CCDC148: variants seen among roughly 807,000 people sequenced by gnomAD.
CCDC148 encodes the protein coiled-coil domain containing 148, also known as coiled-coil domain-containing protein 148.
In CCDC148, 89 loss-of-function variants were observed where a neutral mutation model predicts 85.7. The ratio of observed to expected loss-of-function variants is 1.04; its 90% CI spans 0.87 to 1.24. The LOEUF is 1.24. Among genes scored for constraint, CCDC148 ranks in the 50% most tolerant of loss-of-function variants. The probability of loss-of-function intolerance (pLI) is 0.00; values close to 1 mark genes in which losing one functional copy is unlikely to be tolerated. For synonymous variants in CCDC148, 230 were observed against 213.9 expected (o/e 1.08, Z -0.66); for missense variants, 692 against 671.7 (o/e 1.03, Z -0.33).
rs183593506 is a variant in CCDC148 at position 158,256,107 on chromosome 2, T to C, written c.1111-5195A>G. Among the ~76,000 whole-genome samples the C allele has an allele frequency of 3.5e-3, 534 of 151,838 alleles. 3 individuals carry two copies. Among genetic ancestry groups the C allele is most frequent in the African/African-American group, 0.012 (513 of 41,478 alleles). The stretch of plus-strand genomic sequence containing the variant: ...AAACAAAAATGAAGCCCATGAAAAC[T>C]TCAAAGGTAATGATTGAAATTAACA... On this transcript the variant is annotated intron_variant, in intron 9 of 13. Coordinates refer to ENST00000283233, the MANE Select transcript of CCDC148 (RefSeq NM_138803.4).
chr2:158,401,862 G>A (rs1685800505), intron 1 of CCDC148, among the ~76,000 whole-genome samples: 2 of 151,926 alleles, frequency 1.3e-5, no homozygotes, highest in South Asian at 4.1e-4. Flanking sequence ...AGTGGAAATG[G>A]AGTGCAAACT....
chr2:158,195,760 T>C (rs1685641403), intron 11 of CCDC148, among the ~76,000 whole-genome samples: 1 of 152,162 alleles, frequency 6.6e-6, no homozygotes, highest in South Asian at 2.1e-4. Context: ...CACATTCAGC[T>C]CCTTTAGTCT....
rs554255369 is a variant in CCDC148, at chr2:158,381,747, G to A, written c.26-23177C>T. Among the ~76,000 whole-genome samples, 27 of 152,214 alleles carry A rather than the reference G, an allele frequency of 1.8e-4. No homozygotes were observed. The East Asian group carries it at 2.9e-3, about 16-fold the overall frequency. ...CTACAAAAAAAATGAAAAACTAGCC[G>A]AGTGTGGTGTTGCATGCCTATCACC... On this transcript the variant is annotated intron_variant, in intron 1 of 13. Coordinates refer to ENST00000283233, the MANE Select transcript of CCDC148 (RefSeq NM_138803.4).
intron 1 of CCDC148, among the ~76,000 whole-genome samples, chr2:158,410,767 TTTG>T (rs1686223843): frequency 6.6e-6 from 1 of 152,176 alleles, no homozygotes; most frequent in Non-Finnish European, 1.5e-5. Flanking sequence ...TATTAAATTA[TTTG>T]TTGTCTATAT....
In CCDC148 at chr2:158,320,168, A is replaced by G. The variant is rs115385139; in HGVS notation, c.765-6274T>C. ...TTGGGACAGTATGAGGAAAATTTTA[A>G]TTAGCCATCATAAGGTCTTCTGAAA... On this transcript the variant is annotated intron_variant, in intron 7 of 13. Coordinates refer to ENST00000283233, the MANE Select transcript of CCDC148 (RefSeq NM_138803.4). Among the ~76,000 whole-genome samples, 1,137 of 152,340 alleles carry G rather than the reference A, an allele frequency of 7.5e-3. 17 individuals are homozygous for G. Among genetic ancestry groups the G allele is most frequent in the African/African-American group, 0.026 (1,093 of 41,584 alleles).
intron 11 of CCDC148, among the ~76,000 whole-genome samples, chr2:158,216,369 C>T (rs2105297133): frequency 7.1e-6 from 1 of 141,582 alleles, no homozygotes; most frequent in South Asian, 2.2e-4. Flanking sequence ...TTAAGAACAG[C>T]AACAAAAAGC....
Position 158,263,322 on chromosome 2 carries a change from G to A in CCDC148, c.1111-12410C>T, listed in dbSNP as rs765814092. Among the ~76,000 whole-genome samples, 20 of 152,034 alleles carry A rather than the reference G, an allele frequency of 1.3e-4. No individual in the cohort carries two copies. In the East Asian group the frequency reaches 1.7e-3, roughly 13 times the overall value. On this transcript the variant is annotated intron_variant, in intron 9 of 13. Coordinates refer to ENST00000283233, the MANE Select transcript of CCDC148 (RefSeq NM_138803.4). ...CCTACCTGTTCTTTTTACCTCCCAC[G>A]GAAACTATTGCAATGGCTGGCACAG... is the stretch of plus-strand genomic sequence containing the variant.
intron 2 of CCDC148, among the ~76,000 whole-genome samples, chr2:158,345,645 T>G (rs1682959741): frequency 1.3e-5 from 2 of 152,190 alleles, no homozygotes; most frequent in Non-Finnish European, 2.9e-5. Flanking sequence ...AGAGGTTTCA[T>G]TTCTCCCCTT....
rs929394391 is a variant in CCDC148, at chr2:158,309,044, C to G, written c.1110+389G>C. On this transcript the variant is annotated intron_variant, in intron 9 of 13. Transcript: ENST00000283233. The stretch of plus-strand genomic sequence containing the variant: ...ATCATAAAGCCTCTCTTCTCCTCCT[C>G]ATTTGAACTTTTTGCTATCTTTGAT... Among the ~76,000 whole-genome samples, 8 of 152,310 alleles carry G rather than the reference C, an allele frequency of 5.3e-5. No homozygotes were observed. In the South Asian group the frequency reaches 1.7e-3, roughly 32 times the overall value.
At chr2:158,244,835 G>A (rs1688503618) in intron 10 of CCDC148, among the ~76,000 whole-genome samples, 1 of 152,050 alleles carries the variant, frequency 6.6e-6, no homozygotes, top group African/African-American at 2.4e-5. Flanking sequence ...CACCTTAGAA[G>A]CCTACTTATT....
At chr2:158,343,307 G>A (rs1266044686) in intron 3 of CCDC148, among the ~76,000 whole-genome samples, 1 of 152,138 alleles carries the variant, frequency 6.6e-6, no homozygotes, top group African/African-American at 2.4e-5. Context: ...GAAGTTAGGG[G>A]CAAATGTTCC....
chr2:158,357,735 A>G (rs991209068), intron 2 of CCDC148, among the ~76,000 whole-genome samples: 7 of 152,142 alleles, frequency 4.6e-5, no homozygotes, highest in Admixed American at 4.6e-4. Flanking sequence ...AATAATAACA[A>G]TTGCCTTCTA....
intron 7 of CCDC148, among the ~76,000 whole-genome samples, chr2:158,317,127 A>C (rs1041709708): frequency 6.6e-6 from 1 of 152,200 alleles, no homozygotes; most frequent in Non-Finnish European, 1.5e-5. Flanking sequence ...CTACTTTCTG[A>C]ATTTGAAAAA....
intron 9 of CCDC148, among the ~76,000 whole-genome samples, chr2:158,280,632 C>T (rs958248482): frequency 6.6e-6 from 1 of 152,122 alleles, no homozygotes; most frequent in African/African-American, 2.4e-5. Flanking sequence ...TAAAGCAAGT[C>T]CTGAGTGACC....
chr2:158,176,814 C>A (rs1684613463), intron 12 of CCDC148, 153 bp from the exon 13 acceptor site: 1 of 756,658 alleles, frequency 1.3e-6, no homozygotes, highest in African/African-American at 1.8e-5. Flanking sequence ...TTGGTCAGTC[C>A]TAGAGATCCA....
intron 1 of CCDC148, among the ~76,000 whole-genome samples, chr2:158,402,863 T>G (rs1301844289): frequency 6.6e-6 from 1 of 152,110 alleles, no homozygotes; most frequent in African/African-American, 2.4e-5. Flanking sequence ...GAGTAATATC[T>G]TTATTTGAAG....
At chr2:158,191,067 T>C (rs1376631450) in intron 11 of CCDC148, among the ~76,000 whole-genome samples, 2 of 152,050 alleles carry the variant, frequency 1.3e-5, no homozygotes, top group African/African-American at 4.8e-5. Flanking sequence ...TGATTTTAAT[T>C]GGTCCTCGTT....
chr2:158,223,587 C>T (rs1687321243), intron 10 of CCDC148, among the ~76,000 whole-genome samples: 1 of 152,214 alleles, frequency 6.6e-6, no homozygotes, highest in Non-Finnish European at 1.5e-5. Context: ...GGCAGACTGA[C>T]ACCTCACATG....
intron 3 of CCDC148, among the ~76,000 whole-genome samples, chr2:158,344,440 T>C (rs764086156): frequency 6.6e-6 from 1 of 152,096 alleles, no homozygotes; most frequent in Non-Finnish European, 1.5e-5. Flanking sequence ...ATTTACAAAC[T>C]TTACTTAGAA....
Sources: allele counts gnomAD v4.1 joint callset (sites outside exome capture counted in the v4.1 genomes callset), GRCh38; gene constraint gnomAD v4.1.1; transcripts MANE v1.5; gene names NCBI Gene and HGNC (gene_info 2026-07-23, HGNC 2026-07-21).